MAPKAP1: variants seen among roughly 807,000 people sequenced by gnomAD.
MAPKAP1 encodes MAPK associated protein 1, also known as target of rapamycin complex 2 subunit MAPKAP1.
In MAPKAP1, 20 loss-of-function variants were observed where a neutral mutation model predicts 65.7. That is an observed-to-expected ratio of 0.30 (90% CI 0.21 to 0.44). MAPKAP1 has a LOEUF of 0.44. Ranked by LOEUF, MAPKAP1 falls within the 20% of genes least tolerant of loss-of-function variation. MAPKAP1 has a pLI of 1.00. For synonymous variants in MAPKAP1, 222 were observed against 244.3 expected (o/e 0.91, Z 0.85); for missense variants, 423 against 648.0 (o/e 0.65, Z 3.77).
At chr9:125,446,848 T>C (rs1852736199) in intron 10 of MAPKAP1, among the ~76,000 whole-genome samples, 2 of 152,214 alleles carry the variant, frequency 1.3e-5, no homozygotes, top group Non-Finnish European at 2.9e-5. Context: ...CACTAAAGCA[T>C]GTTTTGCCTG....
At chr9:125,519,959 T>TA (rs777630488) in intron 7 of MAPKAP1, among the ~76,000 whole-genome samples, 54 of 152,234 alleles carry the variant, frequency 3.5e-4, no homozygotes, top group South Asian at 2.3e-3. Flanking sequence ...GATCCCTGCC[T>TA]AAGCTTAATA....
At chr9:125,466,784 C>T (rs533323844) in intron 10 of MAPKAP1, among the ~76,000 whole-genome samples, 4 of 152,266 alleles carry the variant, frequency 2.6e-5, no homozygotes, top group South Asian at 2.1e-4. Flanking sequence ...CCTAAGTTCT[C>T]CCTTTTTGCC....
At chr9:125,586,285 A>G (rs1167195833) in intron 4 of MAPKAP1, among the ~76,000 whole-genome samples, 1 of 151,578 alleles carries the variant, frequency 6.6e-6, no homozygotes, top group African/African-American at 2.4e-5. Flanking sequence ...CTAACCACCA[A>G]CCCCACACTG....
chr9:125,682,743 T>C (rs1834859866), intron 1 of MAPKAP1, among the ~76,000 whole-genome samples: 1 of 152,226 alleles, frequency 6.6e-6, no homozygotes, highest in African/African-American at 2.4e-5. Flanking sequence ...AGACTGTTTC[T>C]CAATGTGAAA....
chr9:125,547,362 C>T (rs571975431), intron 6 of MAPKAP1, among the ~76,000 whole-genome samples: 3 of 152,294 alleles, frequency 2.0e-5, no homozygotes, highest in South Asian at 2.1e-4. Flanking sequence ...AGGGCATAGG[C>T]TGGGGGTTAA....
chr9:125,452,105 A>G (rs1194045933), intron 10 of MAPKAP1, among the ~76,000 whole-genome samples: 1 of 149,864 alleles, frequency 6.7e-6, no homozygotes, highest in Non-Finnish European at 1.5e-5. Flanking sequence ...CCACCGCACC[A>G]GCCCGTTTTT....
intron 7 of MAPKAP1, among the ~76,000 whole-genome samples, chr9:125,541,347 G>A (rs1830242491): frequency 6.6e-6 from 1 of 152,044 alleles, no homozygotes; most frequent in Non-Finnish European, 1.5e-5. Flanking sequence ...GGAGTTTCAT[G>A]GTCTGAAAAA....
intron 7 of MAPKAP1, among the ~76,000 whole-genome samples, chr9:125,516,820 T>C (rs1394996991): frequency 1.3e-5 from 2 of 152,232 alleles, no homozygotes; most frequent in African/African-American, 4.8e-5. Context: ...GCCTAGCACA[T>C]AAGTACTTAA....
At chr9:125,668,774 T>TA (rs1834413185) in intron 3 of MAPKAP1, among the ~76,000 whole-genome samples, 1 of 152,144 alleles carries the variant, frequency 6.6e-6, no homozygotes, top group South Asian at 2.1e-4. Flanking sequence ...GTTTTTACAC[T>TA]AAGGGAAAAG....
At chr9:125,621,962 G>A (rs906866011) in intron 4 of MAPKAP1, among the ~76,000 whole-genome samples, 1 of 152,198 alleles carries the variant, frequency 6.6e-6, no homozygotes, top group African/African-American at 2.4e-5. Context: ...TAAAAGAATG[G>A]AAGCCTGTCA....
chr9:125,669,922 T>C lies in MAPKAP1; in HGVS notation c.260-15A>G, dbSNP rs1372879921. 2.7e-6 allele frequency: 4 copies of C among 1,460,896 alleles called. No individual in the cohort carries two copies. The highest frequency in any genetic ancestry group is 1.3e-5 in the South Asian group (1 of 79,868). The allele number at this position is 1,460,896 out of a possible 1,614,324, so 90.5% of individuals were successfully genotyped here. ...TAATCTTTGAGCTTGAAAAGAAATATTATAACTGTAAGTTTGTCAATGAAA... is the reference window on the plus strand; with the variant it reads ...TAATCTTTGAGCTTGAAAAGAAATACTATAACTGTAAGTTTGTCAATGAAA... On this transcript the variant is annotated splice_polypyrimidine_tract_variant and intron_variant, in intron 2 of 11. Transcript: ENST00000265960.
intron 1 of MAPKAP1, among the ~76,000 whole-genome samples, chr9:125,698,311 AT>A (rs68029209): frequency 0.088 from 4,631 of 52,426 alleles, 259 homozygotes; most frequent in Middle Eastern, 0.16. Flanking sequence ...ATATATATAT[AT>A]ATATATATAT....
At chr9:125,686,025 T>C (rs1374670170) in intron 1 of MAPKAP1, among the ~76,000 whole-genome samples, 2 of 152,088 alleles carry the variant, frequency 1.3e-5, no homozygotes, top group Non-Finnish European at 2.9e-5. Flanking sequence ...CACATATCAA[T>C]TAAGAAAAGC....
chr9:125,580,868 G>A (rs1831602796), intron 5 of MAPKAP1, among the ~76,000 whole-genome samples: 2 of 152,176 alleles, frequency 1.3e-5, no homozygotes, highest in African/African-American at 4.8e-5. Context: ...TAGTTGGACT[G>A]CCTCCCTAAC....
At chr9:125,644,948 T>C (rs992542372) in intron 4 of MAPKAP1, among the ~76,000 whole-genome samples, 2 of 152,164 alleles carry the variant, frequency 1.3e-5, no homozygotes, top group Admixed American at 6.5e-5. Context: ...CAAGAGCATG[T>C]TAGACATAGC....
At chr9:125,608,336 C>G (rs1471336405) in intron 4 of MAPKAP1, among the ~76,000 whole-genome samples, 1 of 152,102 alleles carries the variant, frequency 6.6e-6, no homozygotes, top group Non-Finnish European at 1.5e-5. Flanking sequence ...CTTCCTGAAT[C>G]CTTTGATGTA....
chr9:125,587,500 A>C (rs1831824371), intron 4 of MAPKAP1, among the ~76,000 whole-genome samples: 1 of 152,188 alleles, frequency 6.6e-6, no homozygotes, highest in African/African-American at 2.4e-5. Context: ...CAGAAGGCAG[A>C]TGTTGCAATG....
intron 3 of MAPKAP1, among the ~76,000 whole-genome samples, chr9:125,668,456 T>C (rs181257053): frequency 3.3e-4 from 50 of 152,336 alleles, no homozygotes; most frequent in Non-Finnish European, 1.5e-5. Context: ...TGTGTAACAA[T>C]GGAGCCAATC....
intron 8 of MAPKAP1, among the ~76,000 whole-genome samples, chr9:125,499,983 T>C (rs1828922153): frequency 6.6e-6 from 1 of 152,136 alleles, no homozygotes; most frequent in South Asian, 2.1e-4. Context: ...TGAGACTCTT[T>C]CAAAAACAAA....
Sources: gnomAD v4.1 joint callset for allele counts (sites outside exome capture counted in the v4.1 genomes callset) on GRCh38, gnomAD v4.1.1 for gene constraint, MANE v1.5 for transcripts, NCBI Gene and HGNC (gene_info 2026-07-23, HGNC 2026-07-21) for gene names.